CNBD1: variants seen among roughly 807,000 people sequenced by gnomAD.
The protein encoded by CNBD1 is cyclic nucleotide-binding domain-containing protein 1.
In CNBD1, 71 loss-of-function variants were observed where a neutral mutation model predicts 54.4. That is an observed-to-expected ratio of 1.30 (90% confidence interval 1.08 to 1.59). CNBD1 has a LOEUF of 1.59. Among genes scored for constraint, CNBD1 ranks in the 40% most tolerant of loss-of-function variants. The pLI is 0.00. For missense variants in CNBD1, 659 were observed against 518.0 expected (o/e 1.27, Z -2.64); for synonymous variants, 182 against 170.7 (o/e 1.07, Z -0.51).
At chr8:87,345,604 C>A (rs1011877569) in intron 8 of CNBD1, among the ~76,000 whole-genome samples, 1 of 152,026 alleles carries the variant, frequency 6.6e-6, no homozygotes, top group Non-Finnish European at 1.5e-5. Context: ...TTTATATAAT[C>A]AACAATAATT....
chr8:86,890,465 AT>A (rs1184076081), intron 2 of CNBD1, among the ~76,000 whole-genome samples: 5 of 151,934 alleles, frequency 3.3e-5, no homozygotes, highest in South Asian at 2.1e-4. Flanking sequence ...TAAGTACCAC[AT>A]TTTTTTAGCC....
chr8:87,392,966 A>G (rs2130971039), intron 2 of CNBD1, among the ~76,000 whole-genome samples: 1 of 152,116 alleles, frequency 6.6e-6, no homozygotes, highest in African/African-American at 2.4e-5. Context: ...TATTTATAAA[A>G]AGAGAATTTC....
intron 2 of CNBD1, among the ~76,000 whole-genome samples, chr8:87,426,313 C>G (rs183517873): frequency 0.011 from 1,665 of 152,326 alleles, 41 homozygotes; most frequent in African/African-American, 0.038. Context: ...TAGACCGGAG[C>G]TGTTCCTATT....
chr8:87,195,158 C>T (rs1813691041), intron 4 of CNBD1, among the ~76,000 whole-genome samples: 2 of 151,664 alleles, frequency 1.3e-5, no homozygotes, highest in Non-Finnish European at 2.9e-5. Context: ...CCTGGGATTA[C>T]AGGCATGAGC....
chr8:87,414,172 C>A (rs896990962), intron 2 of CNBD1, among the ~76,000 whole-genome samples: 4 of 152,054 alleles, frequency 2.6e-5, no homozygotes, highest in South Asian at 4.1e-4. Context: ...CACATATACA[C>A]CATGGAATAC....
intron 8 of CNBD1, among the ~76,000 whole-genome samples, chr8:87,309,594 T>A (rs1488120093): frequency 6.6e-6 from 1 of 152,156 alleles, no homozygotes; most frequent in Non-Finnish European, 1.5e-5. Context: ...AAAGTTTTTG[T>A]AGACTTCCAT....
At chr8:87,032,178 T>C (rs926926733) in intron 4 of CNBD1, among the ~76,000 whole-genome samples, 6 of 152,344 alleles carry the variant, frequency 3.9e-5, no homozygotes, top group South Asian at 2.1e-4. Flanking sequence ...AGTCAGTTTT[T>C]TAAAATTTTA....
chr8:87,416,568 C>T (rs1014819705), intron 2 of CNBD1, among the ~76,000 whole-genome samples: 3 of 152,002 alleles, frequency 2.0e-5, no homozygotes, highest in African/African-American at 7.2e-5. Context: ...CCCTTAAATG[C>T]CTCATTCCCA....
At chr8:87,142,553 A>C (rs2130739820) in intron 4 of CNBD1, among the ~76,000 whole-genome samples, 1 of 152,298 alleles carries the variant, frequency 6.6e-6, no homozygotes, top group South Asian at 2.1e-4. Flanking sequence ...GAGAATGTTT[A>C]GAAATAAAAC....
At position 87,365,066 on chromosome 8, in the gene CNBD1, A is replaced by G. The variant is rs529871014; in HGVS notation, c.1303+11280A>G. ...TGTTTTAGGTCTTTGAGGGGTTGCCACACTGCTTTCTATAATGGTTGAACC... is the reference window on the plus strand; with the variant it reads ...TGTTTTAGGTCTTTGAGGGGTTGCCGCACTGCTTTCTATAATGGTTGAACC... On this transcript the variant is annotated intron_variant, in intron 10 of 10. Coordinates refer to ENST00000518476, the MANE Select transcript of CNBD1 (RefSeq NM_173538.3). 2.6e-5 allele frequency among the ~76,000 whole-genome samples: 4 copies of G among 152,214 alleles called. No homozygotes were observed. In the East Asian group the frequency reaches 7.7e-4, roughly 29 times the overall value.
chr8:86,907,336 C>T, intron 3 of CNBD1, among the ~76,000 whole-genome samples: 1 of 152,074 alleles, frequency 6.6e-6, no homozygotes, highest in East Asian at 1.9e-4. Flanking sequence ...ATATGAAGCA[C>T]ATGGGATAAG....
intron 4 of CNBD1, among the ~76,000 whole-genome samples, chr8:87,170,139 C>T (rs1775478472): frequency 6.6e-6 from 1 of 151,776 alleles, no homozygotes; most frequent in Admixed American, 6.6e-5. Context: ...TAGTTAATTC[C>T]TAGGTATATT....
chr8:86,870,564 GC>G (rs1385060823), intron 1 of CNBD1, among the ~76,000 whole-genome samples: 2 of 152,052 alleles, frequency 1.3e-5, no homozygotes, highest in African/African-American at 4.8e-5. Context: ...TACATTTACT[GC>G]AAATCTGAAA....
At chr8:86,951,092 T>C (rs1168806787) in intron 4 of CNBD1, among the ~76,000 whole-genome samples, 1 of 152,154 alleles carries the variant, frequency 6.6e-6, no homozygotes, top group Non-Finnish European at 1.5e-5. Flanking sequence ...ATTTAATAAC[T>C]TTACAGTAAA....
intron 4 of CNBD1, among the ~76,000 whole-genome samples, chr8:86,989,513 C>T (rs74883956): frequency 5.9e-5 from 9 of 152,016 alleles, no homozygotes; most frequent in East Asian, 5.8e-4. Context: ...TGCAGTGGCA[C>T]GATCCTGGCT....
intron 7 of CNBD1, among the ~76,000 whole-genome samples, chr8:87,285,052 T>C (rs1808666602): frequency 6.6e-6 from 1 of 152,112 alleles, no homozygotes; most frequent in African/African-American, 2.4e-5. Context: ...CCCTTTGGCT[T>C]TTCATTAATT....
At chr8:86,978,477 T>C (rs985793711) in intron 4 of CNBD1, among the ~76,000 whole-genome samples, 1 of 151,852 alleles carries the variant, frequency 6.6e-6, no homozygotes, top group African/African-American at 2.4e-5. Flanking sequence ...TTATAAAATA[T>C]TGTGGATTTG....
chr8:87,356,697 G>T (rs55878626), intron 10 of CNBD1, among the ~76,000 whole-genome samples: 1 of 152,070 alleles, frequency 6.6e-6, no homozygotes, highest in Admixed American at 6.6e-5. Flanking sequence ...TAGCTATGTG[G>T]AAGAGAAGGA....
At chr8:86,948,574 A>T (rs764925430) in intron 4 of CNBD1, among the ~76,000 whole-genome samples, 2 of 151,954 alleles carry the variant, frequency 1.3e-5, no homozygotes, top group Non-Finnish European at 1.5e-5. Flanking sequence ...AGAAACACCT[A>T]TTCATATCTT....
Sources: allele counts gnomAD v4.1 joint callset (sites outside exome capture counted in the v4.1 genomes callset), GRCh38; gene constraint gnomAD v4.1.1; transcripts MANE v1.5; gene names NCBI Gene and HGNC (gene_info 2026-07-23, HGNC 2026-07-21).